The following ABHD18 variants were observed in gnomAD, a reference collection of about 807,000 sequenced individuals.
ABHD18 encodes cardiolipin-specific deacylase, mitochondrial.
Under a neutral mutation model 65.9 loss-of-function variants are expected in ABHD18, and 55 were observed. The ratio of observed to expected loss-of-function variants is 0.84; its 90% CI spans 0.67 to 1.05. ABHD18 has a LOEUF of 1.05. ABHD18 is among the 50% of genes least tolerant of loss of function. ABHD18 has a pLI of 0.00. For missense variants in ABHD18, 533 were observed against 558.5 expected, an observed-to-expected ratio of 0.95 and a Z score of 0.46; for synonymous variants, 181 against 180.2, an observed-to-expected ratio of 1.00 and a Z score of -0.04.
intron 12 of ABHD18, 73 bp from the exon 13 acceptor site, chr4:128,035,689 C>A: frequency 1.2e-6 from 1 of 855,348 alleles, no homozygotes; most frequent in South Asian, 1.8e-5. Flanking sequence ...TTGGAAATAA[C>A]TTACAGTAAA....
intron 3 of ABHD18, among the ~76,000 whole-genome samples, chr4:127,988,024 G>C (rs1167663487): frequency 6.6e-6 from 1 of 152,286 alleles, no homozygotes; most frequent in South Asian, 2.1e-4. Context: ...AAATGCTGCA[G>C]TTGTCAACAC....
chr4:127,970,589 C>CAAAAAAAAAAAA (rs375709595), intron 1 of ABHD18, among the ~76,000 whole-genome samples: 8 of 54,632 alleles, frequency 1.5e-4, no homozygotes, highest in Admixed American at 3.6e-4. Flanking sequence ...AACTCTGTCT[C>CAAAAAAAAAAAA]AAAAAAAAAA....
intron 1 of ABHD18, among the ~76,000 whole-genome samples, chr4:127,978,810 C>T (rs1748447064): frequency 6.6e-6 from 1 of 152,128 alleles, no homozygotes; most frequent in Admixed American, 6.6e-5. Context: ...TGCTCCTCAG[C>T]TTATGATATG....
intron 1 of ABHD18, among the ~76,000 whole-genome samples, chr4:127,978,742 A>G (rs912203305): frequency 4.6e-5 from 7 of 152,176 alleles, no homozygotes; most frequent in African/African-American, 1.7e-4. Flanking sequence ...ATTTGACCCA[A>G]TTTGGCTCTA....
At chr4:128,035,375 C>T (rs992209371) in intron 12 of ABHD18, among the ~76,000 whole-genome samples, 3 of 152,056 alleles carry the variant, frequency 2.0e-5, no homozygotes, top group Non-Finnish European at 4.4e-5. Context: ...AGTTCGAGAC[C>T]AGCCTAGCCA....
At chr4:127,990,546 A>G (rs1750737627) in intron 4 of ABHD18, among the ~76,000 whole-genome samples, 1 of 152,104 alleles carries the variant, frequency 6.6e-6, no homozygotes, top group Non-Finnish European at 1.5e-5. Flanking sequence ...TGGGCCACAG[A>G]GTGAGACTCC....
intron 1 of ABHD18, among the ~76,000 whole-genome samples, chr4:127,976,024 C>T (rs541459595): frequency 6.6e-6 from 1 of 152,172 alleles, no homozygotes; most frequent in South Asian, 2.1e-4. Context: ...TGGGGTTTTG[C>T]CATGTTAGCC....
intron 2 of ABHD18, among the ~76,000 whole-genome samples, 167 bp from the exon 3 acceptor site, chr4:127,984,172 G>GA (rs1749569175): frequency 6.6e-6 from 1 of 152,134 alleles, no homozygotes. Context: ...TTCAGTTTGG[G>GA]AAAAAACAAC....
At chr4:128,001,695 G>C (rs1419501026) in intron 4 of ABHD18, 1 of 1,541,084 alleles carries the variant, frequency 6.5e-7, no homozygotes, top group Admixed American at 2.1e-5. Flanking sequence ...AGGTTTTGGT[G>C]TGTTCTTTTC....
At chr4:127,985,271 G>A (rs1281390371) in intron 3 of ABHD18, among the ~76,000 whole-genome samples, 2 of 151,916 alleles carry the variant, frequency 1.3e-5, no homozygotes, top group Non-Finnish European at 2.9e-5. Flanking sequence ...AATATTTCTA[G>A]GTTTATGTAA....
chr4:128,010,774 G>T (rs1754389727), intron 6 of ABHD18, among the ~76,000 whole-genome samples: 1 of 151,862 alleles, frequency 6.6e-6, no homozygotes, highest in East Asian at 1.9e-4. Flanking sequence ...AATTAGCCAG[G>T]CGTGGTGGCG....
At chr4:127,967,902 C>A (rs1246900011) in intron 1 of ABHD18, among the ~76,000 whole-genome samples, 4 of 152,142 alleles carry the variant, frequency 2.6e-5, no homozygotes, top group African/African-American at 9.7e-5. Context: ...CCTTAGGTGA[C>A]TGCCCAGGAT....
intron 4 of ABHD18, among the ~76,000 whole-genome samples, chr4:127,995,686 GTAAC>G (rs2149098759): frequency 6.6e-6 from 1 of 152,190 alleles, no homozygotes; most frequent in Admixed American, 6.5e-5. Context: ...ATATAAGTAT[GTAAC>G]TAAGTAAATT....
At chr4:128,005,678 T>G (rs1753478601) in intron 4 of ABHD18, among the ~76,000 whole-genome samples, 1 of 152,126 alleles carries the variant, frequency 6.6e-6, no homozygotes, top group Admixed American at 6.6e-5. Context: ...ACTCTTAGCC[T>G]CAAGAGATCC....
chr4:128,008,083 G>A (rs1312086236), intron 4 of ABHD18, among the ~76,000 whole-genome samples: 1 of 151,778 alleles, frequency 6.6e-6, no homozygotes, highest in Non-Finnish European at 1.5e-5. Context: ...TCAACGTGGT[G>A]AAACGCCATC....
intron 4 of ABHD18, among the ~76,000 whole-genome samples, chr4:127,998,394 C>T (rs1752110234): frequency 6.6e-6 from 1 of 151,574 alleles, no homozygotes; most frequent in African/African-American, 2.4e-5. Context: ...TTCCCGCCAC[C>T]ACACCCTGCT....
At chr4:127,970,372 C>T (rs1311871417) in intron 1 of ABHD18, among the ~76,000 whole-genome samples, 5 of 151,738 alleles carry the variant, frequency 3.3e-5, no homozygotes, top group East Asian at 1.9e-4. Context: ...ATGGGCAGAT[C>T]ACCTGAGGTC....
intron 4 of ABHD18, among the ~76,000 whole-genome samples, chr4:127,999,536 G>A (rs1420623962): frequency 6.6e-6 from 1 of 152,140 alleles, no homozygotes; most frequent in Non-Finnish European, 1.5e-5. Context: ...GAATCTTTAG[G>A]AAGGCTACCT....
chr4:127,967,772 C>CAT (rs202042010), intron 1 of ABHD18, among the ~76,000 whole-genome samples: 295 of 149,846 alleles, frequency 2.0e-3, no homozygotes, highest in South Asian at 4.7e-3. Flanking sequence ...AACATTTAAA[C>CAT]ATATATATAT....
Sources: gnomAD v4.1 joint callset for allele counts (sites outside exome capture counted in the v4.1 genomes callset) on GRCh38, gnomAD v4.1.1 for gene constraint, MANE v1.5 for transcripts, NCBI Gene and HGNC (gene_info 2026-07-23, HGNC 2026-07-21) for gene names.